The following ATG2A variants were observed in gnomAD, a reference collection of about 807,000 sequenced individuals.
ATG2A encodes the protein autophagy-related protein 2 homolog A.
A neutral mutation model predicts 214.2 loss-of-function variants in ATG2A; 103 were observed. That is an observed-to-expected ratio of 0.48 (90% CI 0.41 to 0.57). The LOEUF (loss-of-function observed/expected upper bound fraction) is 0.57, where lower values mean the gene tolerates loss of function less well. Ranked by LOEUF, ATG2A falls within the 20% of genes least tolerant of loss-of-function variation. The pLI, the probability that ATG2A is intolerant of heterozygous loss-of-function variation, is 0.00. For synonymous variants in ATG2A, 1,160 were observed against 1,142.1 expected (o/e 1.02, Z -0.32); for missense variants, 2,312 against 2,613.2 (o/e 0.88, Z 2.51).
chr11:64,910,148 G>A lies in ATG2A; in HGVS notation c.1755C>T (p.Ala585=), dbSNP rs376084084. 2.2e-5 allele frequency: 35 copies of A among 1,611,192 alleles called. No homozygotes were observed. The highest frequency in any genetic ancestry group is 8.8e-5 in the South Asian group (8 of 90,950). The change falls in exon 13 of 41, where the codon GCC becomes GCT. Residue 585 remains alanine, a synonymous_variant. Transcript: ENST00000377264. ...SVACHCHSEL[A]LDLANFQADV... is the part of the protein sequence containing the mutation. The stretch of plus-strand genomic sequence containing the variant: ...CCGCCTGGAAGTTGGCCAGGTCCAG[G>A]GCCAGTTCTGAGTGGCAATGGCAGG...
chr11:64,900,989 G>A lies in ATG2A; in HGVS notation c.4223C>T (p.Ala1408Val). The change falls in exon 30 of 41, where the codon GCA (alanine) becomes GTA (valine). Residue 1408 changes from alanine (A) to valine (V), a missense_variant. By Grantham distance (64) the Ala-to-Val change is moderately conservative. Coordinates refer to ENST00000377264, the MANE Select transcript of ATG2A (RefSeq NM_015104.3). Reference sequence around the variant, plus strand: ...GCTGGGCACTGGGAAATGGGCAGGTGCCCGCAGCAAGTCCGTGCTGCCGAT... The same window carrying A: ...GCTGGGCACTGGGAAATGGGCAGGTACCCGCAGCAAGTCCGTGCTGCCGAT... ...RPIGSTDLLR[A>V]PAHFPVPSTR... The A allele has an allele frequency of 6.3e-7, 1 of 1,589,170 alleles. No homozygotes were observed.
Position 64,898,451 on chromosome 11 carries a change from C to T in ATG2A, c.4672-89G>A, listed in dbSNP as rs752384483. ...TTCCCTGACAGCTCACCCAGCCACC[C>T]TGCCTCTGAACACGCTGTTCCCTTC... On this transcript the variant is annotated intron_variant, in intron 32 of 40. Transcript: ENST00000377264. The surrounding 1 kb of genome is among the most constrained non-coding windows in gnomAD (Gnocchi z 4.5). 4.3e-5 allele frequency: 59 copies of T among 1,369,716 alleles called. No individual in the cohort carries two copies. Among genetic ancestry groups the T allele is most frequent in the Non-Finnish European group, 5.5e-5 (55 of 1,005,584 alleles). The allele number at this position is 1,369,716 out of a possible 1,614,324, so 84.8% of individuals were successfully genotyped here.
In ATG2A at chr11:64,909,751, C is replaced by A. The variant is rs769136883; in HGVS notation, c.2037G>T (p.Arg679=). 5 of 1,613,084 alleles carry A rather than the reference C, an allele frequency of 3.1e-6. No homozygotes were observed. Among genetic ancestry groups the A allele is most frequent in the Non-Finnish European group, 1.7e-6 (2 of 1,180,022 alleles). Residue 679 remains arginine, a synonymous_variant, in exon 14 of 41, where the codon CGG becomes CGT. Transcript: ENST00000377264. The part of the protein sequence containing the change: ...LRLELSEPQF[R]SELSSGPGPP... ...GACCAGGCCCACTGCTAAGCTCTGACCGGAACTGGGGCTCACTCAGCTCCA... is the reference window on the plus strand; with the variant it reads ...GACCAGGCCCACTGCTAAGCTCTGAACGGAACTGGGGCTCACTCAGCTCCA...
Position 64,898,548 on chromosome 11 carries a change from G to T in ATG2A, c.4671+88C>A. The T allele has an allele frequency of 6.7e-7, 1 of 1,484,794 alleles. No homozygotes were observed. The highest frequency in any genetic ancestry group is 9.3e-7 in the Non-Finnish European group (1 of 1,071,888). 92.0% of individuals were successfully genotyped at this position (1,484,794 alleles called of 1,614,324 possible). A position where few individuals can be genotyped will look rare whatever the true frequency, so the allele number is the denominator to read the frequency against. On this transcript the variant is annotated intron_variant, in intron 32 of 40. Coordinates refer to ENST00000377264, the MANE Select transcript of ATG2A (RefSeq NM_015104.3). The surrounding 1 kb of genome is among the most constrained non-coding windows in gnomAD (Gnocchi z 4.5). ...CCTGGGTGTTTGTGTGGGAATGCGT[G>T]TATGTGTGTGAATCCATGCATGCGT...
At position 64,901,993 on chromosome 11, in the gene ATG2A, C is replaced by T. The variant is rs1944366044; in HGVS notation, c.4088G>A (p.Cys1363Tyr). 6.2e-7 allele frequency: 1 copy of T among 1,613,820 alleles called. No homozygotes were observed. Among genetic ancestry groups the T allele is most frequent in the Non-Finnish European group, 8.5e-7 (1 of 1,180,032 alleles). Residue 1363 changes from cysteine (C) to tyrosine (Y), a missense_variant, in exon 29 of 41, where the codon TGC (cysteine) becomes TAC (tyrosine). Transcript: ENST00000377264. The stretch of plus-strand genomic sequence containing the variant: ...GCCCAGGCCGGGAGCATCAAGGATG[C>T]AGAACTCATCACTGTCCAGGGTGTC... The part of the protein sequence containing the change: ...DGDTLDSDEF[C>Y]ILDAPGLGIP...
chr11:64,904,102 C>T (rs895035057), intron 24 of ATG2A, among the ~76,000 whole-genome samples: 11 of 151,172 alleles, frequency 7.3e-5, no homozygotes, highest in East Asian at 1.9e-4. Flanking sequence ...AAATATTAGC[C>T]GAGCATGGTG....
Position 64,895,328 on chromosome 11 carries a change from G to T in ATG2A, c.5542C>A (p.Arg1848=). 3 of 1,613,348 alleles carry T rather than the reference G, an allele frequency of 1.9e-6. No homozygotes were observed. The South Asian group carries it at 3.3e-5, about 18-fold the overall frequency. ...LRRGQQPADL[R]EGVAKAYDTV... Reference sequence around the variant, plus strand: ...TCGTAGGCCTTGGCCACACCCTCCCGCAGGTCGGCAGGCTGCTGGCCCCTG... The same window carrying T: ...TCGTAGGCCTTGGCCACACCCTCCCTCAGGTCGGCAGGCTGCTGGCCCCTG... Residue 1848 remains arginine (R), a synonymous_variant, in exon 40 of 41, where the codon CGG becomes AGG. Coordinates refer to ENST00000377264, the MANE Select transcript of ATG2A (RefSeq NM_015104.3). This position sits in a 1 kb window ranked among gnomAD's most constrained non-coding sequence, Gnocchi z 5.0.
rs779139100 is a variant in ATG2A at position 64,894,767 on chromosome 11, C to G, written c.*206G>C. 1 of 735,620 alleles carries G rather than the reference C, an allele frequency of 1.4e-6. No homozygotes were observed. Among genetic ancestry groups the G allele is most frequent in the South Asian group, 1.5e-5 (1 of 68,952 alleles). 45.6% of individuals were successfully genotyped at this position (735,620 alleles called of 1,614,324 possible). A position where few individuals can be genotyped will look rare whatever the true frequency, so the allele number is the denominator to read the frequency against. On this transcript the variant is annotated 3_prime_UTR_variant, in exon 41 of 41. Coordinates refer to ENST00000377264, the MANE Select transcript of ATG2A (RefSeq NM_015104.3). ...GGGGAGGGGCAGTGTCCTTTCTCCC[C>G]GGAGGAAAAGTGCAGAGCCAGGGCT... is the stretch of plus-strand genomic sequence containing the variant.
intron 11 of ATG2A, 22 bp downstream of exon 11, chr11:64,910,783 TAC>T: frequency 6.2e-7 from 1 of 1,610,716 alleles, no homozygotes; most frequent in Non-Finnish European, 8.5e-7. Context: ...CCCCGCCTCG[TAC>T]ACATTCTGCC....
Position 64,913,990 on chromosome 11 carries a change from G to T in ATG2A, c.488-67C>A. The T allele has an allele frequency of 6.3e-7, 1 of 1,582,700 alleles. No individual in the cohort carries two copies. Among genetic ancestry groups the T allele is most frequent in the Non-Finnish European group, 8.6e-7 (1 of 1,163,768 alleles). On this transcript the variant is annotated intron_variant, in intron 3 of 40. Coordinates refer to ENST00000377264, the MANE Select transcript of ATG2A (RefSeq NM_015104.3). The surrounding 1 kb of genome is among the most constrained non-coding windows in gnomAD (Gnocchi z 4.3). Reference sequence around the variant, plus strand: ...AAGGGGAGGCAGAATTTCCCATCTGGGCACCAGGGTGGCCGTGCCGTTGTC... The same window carrying T: ...AAGGGGAGGCAGAATTTCCCATCTGTGCACCAGGGTGGCCGTGCCGTTGTC...
Position 64,897,966 on chromosome 11 carries a change from C to T in ATG2A, c.4867G>A (p.Glu1623Lys), listed in dbSNP as rs61741069. 3.8e-4 allele frequency: 588 copies of T among 1,553,212 alleles called. No individual in the cohort carries two copies. The African/African-American group carries it at 7.0e-3, about 19-fold the overall frequency. Reference protein sequence around the residue: ...PGETSAEARPETRAQPSSPLE... With the variant: ...PGETSAEARPKTRAQPSSPLE... ...GGGCTGCTGGGCTGGGCTCGAGTCT[C>T]GGGGCGAGCTAGGGGAGGGGAGGTC... is the stretch of plus-strand genomic sequence containing the variant. Residue 1623 changes from glutamate (E) to lysine (K), a missense_variant, in exon 35 of 41, where the codon GAG (glutamate) becomes AAG (lysine). Glu to Lys is a moderately conservative substitution (Grantham distance 56). Transcript: ENST00000377264.
Position 64,894,941 on chromosome 11 carries a change from G to A in ATG2A, c.*32C>T, listed in dbSNP as rs1372499848. ...CTTGGGAGGCTCAGGAGCATGGTGG[G>A]CAGCACCCTCTGGGTGCCGGGCACC... On this transcript the variant is annotated 3_prime_UTR_variant, in exon 41 of 41. Coordinates refer to ENST00000377264, the MANE Select transcript of ATG2A (RefSeq NM_015104.3). 1 of 1,606,356 alleles carries A rather than the reference G, an allele frequency of 6.2e-7. No homozygotes were observed. Among genetic ancestry groups the A allele is most frequent in the African/African-American group, 1.3e-5 (1 of 74,960 alleles).
chr11:64,902,272 C>A lies in ATG2A; in HGVS notation c.3892G>T (p.Ala1298Ser). ...LDTERSLRELAQPSGGHLPQA... is the reference protein window; with the variant it reads ...LDTERSLRELSQPSGGHLPQA... ...ACCCCCACTTCACCTGAAGGCTGGG[C>A]CAGCTCCCGTAGGCTGCGCTCGGTG... Residue 1298 changes from alanine to serine, a missense_variant, in exon 28 of 41, where the codon GCC becomes TCC. By Grantham distance (99) the Ala-to-Ser change is moderately conservative (BLOSUM62 1). Coordinates refer to ENST00000377264, the MANE Select transcript of ATG2A (RefSeq NM_015104.3). 1 of 1,613,104 alleles carries A rather than the reference C, an allele frequency of 6.2e-7. No homozygotes were observed. The highest frequency in any genetic ancestry group is 8.5e-7 in the Non-Finnish European group (1 of 1,179,984).
Position 64,909,388 on chromosome 11 carries a change from A to AG in ATG2A, c.2108-22dup, listed in dbSNP as rs748828155. ...GATACCTGGAGGGGGATGGGGAATT[A>AG]GGGGGGTCATCACTGCTGCCTTTTC... On this transcript the variant is annotated intron_variant, in intron 14 of 40. Coordinates refer to ENST00000377264, the MANE Select transcript of ATG2A (RefSeq NM_015104.3). 7 of 1,603,870 alleles carry AG rather than the reference A, an allele frequency of 4.4e-6. No individual in the cohort carries two copies. In the East Asian group the frequency reaches 6.7e-5, roughly 15 times the overall value.
rs1400627481 is a variant in ATG2A, at chr11:64,911,230, G to C, written c.1274C>G (p.Ser425Trp). 5 of 1,614,058 alleles carry C rather than the reference G, an allele frequency of 3.1e-6. No individual in the cohort carries two copies. The South Asian group carries it at 3.3e-5, about 11-fold the overall frequency. The change falls in exon 10 of 41, where the codon TCG becomes TGG. Residue 425 changes from serine to tryptophan, a missense_variant. Physicochemically the swap from Ser to Trp is radical, Grantham distance 177. Transcript: ENST00000377264. ...NPLLDTMRPD[S>W]LLKMTLGGVT... The stretch of plus-strand genomic sequence containing the variant: ...ACCCCCCAAGGTCATCTTCAGCAGC[G>C]AGTCAGGGCGCATGGTGTCCAGGAG...
intron 16 of ATG2A, 118 bp from the exon 17 acceptor site, chr11:64,908,008 T>C: frequency 8.2e-7 from 1 of 1,226,924 alleles, no homozygotes; most frequent in Non-Finnish European, 1.1e-6. Flanking sequence ...ATAGGAGCCC[T>C]TCTCTACTGG....
At position 64,912,155 on chromosome 11, in the gene ATG2A, C is replaced by A. The variant is rs1204024688; in HGVS notation, c.1017G>T (p.Gln339His). The change falls in exon 8 of 41, where the codon CAG (glutamine) becomes CAT (histidine). Residue 339 changes from glutamine to histidine, a missense_variant. Coordinates refer to ENST00000377264, the MANE Select transcript of ATG2A (RefSeq NM_015104.3). ...LIEQDLNQQL[Q>H]AGAVAEPLSP... is the part of the protein sequence containing the mutation. ...TGAGGGGCTCAGCCACTGCCCCTGC[C>A]TGCAGCTGCTGGTTCAGGTCCTGCT... 6.2e-7 allele frequency: 1 copy of A among 1,613,910 alleles called. No homozygotes were observed. Among genetic ancestry groups the A allele is most frequent in the African/African-American group, 1.3e-5 (1 of 74,956 alleles).
rs1186907191 is a variant in ATG2A at position 64,913,863 on chromosome 11, C to G, written c.548G>C (p.Gly183Ala). 1 of 1,613,880 alleles carries G rather than the reference C, an allele frequency of 6.2e-7. No individual in the cohort carries two copies. The highest frequency in any genetic ancestry group is 1.3e-5 in the African/African-American group (1 of 74,920). Residue 183 changes from glycine (G) to alanine (A), a missense_variant, in exon 4 of 41, where the codon GGT (glycine) becomes GCT (alanine). Gly to Ala is a moderately conservative substitution (Grantham distance 60). Transcript: ENST00000377264. The surrounding 1 kb of genome is among the most constrained non-coding windows in gnomAD (Gnocchi z 4.3). The stretch of plus-strand genomic sequence containing the variant: ...GACGGCCACACCACGTTCCCCATCA[C>G]CCGGAGAGTGCTCCACCCTCACGAC... Reference protein sequence around the residue: ...DTVVRVEHSPGDGERGVAVEV... With the variant: ...DTVVRVEHSPADGERGVAVEV...
In ATG2A at chr11:64,910,948, C is replaced by A. The variant is rs141421110; in HGVS notation, c.1473G>T (p.Thr491=). Residue 491 remains threonine (T), a synonymous_variant, in exon 11 of 41, where the codon ACG becomes ACT. Transcript: ENST00000377264. ...RACPCSHVRL[T]GTAVQLSWEL... ...CCCAGGACAGCTGCACGGCTGTGCC[C>A]GTTAGCCTGCGGGGAAGAGGACAGG... 6.2e-7 allele frequency: 1 copy of A among 1,613,302 alleles called. No homozygotes were observed. Among genetic ancestry groups the A allele is most frequent in the East Asian group, 2.2e-5 (1 of 44,872 alleles).
Sources: gnomAD v4.1 joint callset for allele counts (sites outside exome capture counted in the v4.1 genomes callset) on GRCh38, gnomAD v4.1.1 for gene constraint, Gnocchi (gnomAD v3.1) non-coding constraint, MANE v1.5 for transcripts, NCBI Gene and HGNC (gene_info 2026-07-23, HGNC 2026-07-21) for gene names.